Variants in RAB9B observed in about 807,000 individuals in gnomAD.
RAB9B encodes the protein ras-related protein Rab-9B.
A neutral mutation model predicts 8.9 loss-of-function variants in RAB9B; 1 was observed. That is an observed-to-expected ratio of 0.11 (90% CI 0.04 to 0.53). RAB9B has a LOEUF of 0.53. Among genes scored for constraint, RAB9B ranks in the 20% least tolerant of loss-of-function variants. The pLI is 0.93. For missense variants in RAB9B, 82 were observed against 152.9 expected, an observed-to-expected ratio of 0.54 and a Z score of 2.45; for synonymous variants, 63 against 57.0, an observed-to-expected ratio of 1.10 and a Z score of -0.47.
chrX:103,792,565 CA>C, the RAB9B span: 5 of 112,372 alleles, frequency 4.4e-5, no homozygotes, highest in African/African-American at 1.6e-4. Flanking sequence ...ACTTATCTTA[CA>C]AAGTGTATTT....
intron 1 of RAB9B, among the ~76,000 whole-genome samples, chrX:103,830,562 C>T (rs1401308342): frequency 2.7e-5 from 3 of 111,617 alleles, no homozygotes; most frequent in Admixed American, 9.5e-5. Flanking sequence ...CCCTTTCCTA[C>T]CCCCACAAAC....
At chrX:103,799,807 T>G in the RAB9B span, among the ~76,000 whole-genome samples, 2 of 112,027 alleles carry the variant, frequency 1.8e-5, no homozygotes, top group African/African-American at 6.5e-5. Context: ...AAAATGAGTT[T>G]GTATTCTATT....
At chrX:103,809,990 G>A in the RAB9B span, among the ~76,000 whole-genome samples, 21 of 111,380 alleles carry the variant, frequency 1.9e-4, no homozygotes, top group Non-Finnish European at 2.8e-4. Flanking sequence ...GGTGCTGTAG[G>A]GTGCACAGTA....
At chrX:103,827,870 T>C (rs781592602) in intron 1 of RAB9B, among the ~76,000 whole-genome samples, 1 of 111,188 alleles carries the variant, frequency 9.0e-6, no homozygotes, top group African/African-American at 3.3e-5. Context: ...TTTCACCATG[T>C]TGCCCAGGTT....
downstream of RAB9B, among the ~76,000 whole-genome samples, chrX:103,822,072 C>G (rs2147783743): frequency 9.0e-6 from 1 of 111,480 alleles, no homozygotes; most frequent in South Asian, 3.8e-4. Flanking sequence ...GACCCTGTCT[C>G]TAATAACTAA....
At chrX:103,802,846 C>G in the RAB9B span, among the ~76,000 whole-genome samples, 2 of 110,675 alleles carry the variant, frequency 1.8e-5, no homozygotes, top group Non-Finnish European at 3.8e-5. Flanking sequence ...ACCCCCAACA[C>G]TAGGCAATCA....
chrX:103,789,330 C>T, the RAB9B span: 7 of 1,197,327 alleles, frequency 5.8e-6, no homozygotes, highest in Non-Finnish European at 7.9e-6. Flanking sequence ...CATTTTCCTG[C>T]AGTTCCAAAT....
downstream of RAB9B, among the ~76,000 whole-genome samples, chrX:103,819,272 G>T (rs2074650879): frequency 8.9e-6 from 1 of 111,880 alleles, no homozygotes; most frequent in Non-Finnish European, 1.9e-5. Flanking sequence ...TGGCAGGTCT[G>T]ATTAAAATTC....
At chrX:103,804,679 G>A in the RAB9B span, among the ~76,000 whole-genome samples, 1 of 111,423 alleles carries the variant, frequency 9.0e-6, no homozygotes, top group Non-Finnish European at 1.9e-5. Context: ...CGTTTATTTA[G>A]GTCTTGTTTA....
chrX:103,811,846 C>G, the RAB9B span, among the ~76,000 whole-genome samples: 1 of 110,820 alleles, frequency 9.0e-6, no homozygotes, highest in Non-Finnish European at 1.9e-5. Flanking sequence ...GTTCTGAAGG[C>G]TGGGAAAGAG....
At position 103,824,907 on chromosome X, in the gene RAB9B, A is replaced by G. The variant is rs967713291; in HGVS notation, c.*272T>C. The G allele has an allele frequency of 3.2e-4, 68 of 210,763 alleles. No homozygotes were observed. The highest frequency in any genetic ancestry group is 1.1e-4 in the Non-Finnish European group (13 of 117,719). The allele number at this position is 210,763 out of a possible 1,213,427, so 17.4% of individuals were successfully genotyped here. A position where few individuals can be genotyped will look rare whatever the true frequency, so the allele number is the denominator to read the frequency against. On this transcript the variant is annotated 3_prime_UTR_variant, in exon 3 of 3. Transcript: ENST00000243298. ...GATTTAAAAAATATTTAACTGTCTC[A>G]GGACTAAAATTTTCTGATATGTCCT...
the RAB9B span, among the ~76,000 whole-genome samples, chrX:103,803,634 A>G: frequency 1.3e-3 from 144 of 112,915 alleles, no homozygotes; most frequent in African/African-American, 4.5e-3. Context: ...GCTGGAGTGC[A>G]GTGGCATGAT....
the RAB9B span, among the ~76,000 whole-genome samples, chrX:103,798,410 T>G: frequency 6.3e-5 from 7 of 111,962 alleles, no homozygotes; most frequent in Admixed American, 9.5e-5. Context: ...GGTTTAACAT[T>G]TTAGAATACT....
chrX:103,817,617 A>G (rs1425338628), downstream of RAB9B, among the ~76,000 whole-genome samples: 2 of 110,122 alleles, frequency 1.8e-5, no homozygotes, highest in Admixed American at 9.8e-5. Context: ...TATACTATAT[A>G]TATGCACACA....
the RAB9B span, among the ~76,000 whole-genome samples, chrX:103,809,815 A>T: frequency 1.9e-5 from 2 of 105,822 alleles, no homozygotes; most frequent in Non-Finnish European, 3.9e-5. Flanking sequence ...TTTTTCTCAG[A>T]GGCAGGGTCT....
chrX:103,792,148 A>C, the RAB9B span: 3 of 111,150 alleles, frequency 2.7e-5, no homozygotes, highest in Admixed American at 9.6e-5. Flanking sequence ...ATTGGTTTTA[A>C]TTGAAGGAAA....
At chrX:103,811,871 G>T in the RAB9B span, among the ~76,000 whole-genome samples, 35 of 110,560 alleles carry the variant, frequency 3.2e-4, no homozygotes, top group Non-Finnish European at 3.0e-4. Flanking sequence ...CAAGATCAAG[G>T]TCTTGGCAGA....
the RAB9B span, chrX:103,785,453 C>T: frequency 1.6e-5 from 9 of 559,583 alleles, no homozygotes; most frequent in South Asian, 1.3e-4. Context: ...AACCTCTAGC[C>T]GCTCCTGCTT....
the RAB9B span, among the ~76,000 whole-genome samples, chrX:103,809,564 T>G: frequency 7.9e-4 from 89 of 112,503 alleles, no homozygotes; most frequent in South Asian, 5.5e-3. Context: ...CCTCCCAAAG[T>G]GCTGGGATTA....
Sources: gnomAD v4.1 joint callset for allele counts (sites outside exome capture counted in the v4.1 genomes callset) on GRCh38, gnomAD v4.1.1 for gene constraint, MANE v1.5 for transcripts, NCBI Gene and HGNC (gene_info 2026-07-23, HGNC 2026-07-21) for gene names.